PPFIBP1: variants seen among roughly 807,000 people sequenced by gnomAD.
The protein encoded by PPFIBP1 is PPFIB scaffold protein 1, also known as liprin-beta-1.
Under a neutral mutation model 137.8 loss-of-function variants are expected in PPFIBP1, and 112 were observed. The observed-to-expected ratio is 0.81, with a 90% CI of 0.70 to 0.95. The LOEUF (loss-of-function observed/expected upper bound fraction) is 0.95, where lower values mean the gene tolerates loss of function less well. Ranked by LOEUF, PPFIBP1 falls within the 40% of genes least tolerant of loss-of-function variation. The pLI, the probability that PPFIBP1 is intolerant of heterozygous loss-of-function variation, is 0.00. For synonymous variants in PPFIBP1, 378 were observed against 417.3 expected, an observed-to-expected ratio of 0.91 and a Z score of 1.15; for missense variants, 1,083 against 1,196.6, an observed-to-expected ratio of 0.91 and a Z score of 1.40.
chr12:27,672,057 C>G (rs143609801), intron 14 of PPFIBP1, among the ~76,000 whole-genome samples: 1 of 151,318 alleles, frequency 6.6e-6, no homozygotes, highest in Admixed American at 6.6e-5. Flanking sequence ...GGTGACAGAG[C>G]GAGACTCTGT....
chr12:27,603,847 G>A (rs1427977884), intron 2 of PPFIBP1, among the ~76,000 whole-genome samples: 1 of 152,110 alleles, frequency 6.6e-6, no homozygotes, highest in Non-Finnish European at 1.5e-5. Context: ...TTCTTCTTTT[G>A]GCACCATTCT....
intron 1 of PPFIBP1, among the ~76,000 whole-genome samples, chr12:27,570,077 G>T (rs2050011317): frequency 6.6e-6 from 1 of 152,044 alleles, no homozygotes; most frequent in East Asian, 1.9e-4. Flanking sequence ...AGGATTTTTT[G>T]TGTGTTTTGG....
chr12:27,657,461 T>C (rs2113874), intron 9 of PPFIBP1, among the ~76,000 whole-genome samples: 119,537 of 148,468 alleles, frequency 0.81, 48,204 homozygotes, highest in East Asian at 0.87. Context: ...TGTGGCCCTA[T>C]GAGATACCAA....
At chr12:27,594,174 ATT>A (rs35066032) in intron 2 of PPFIBP1, 1,423 of 139,598 alleles carry the variant, frequency 0.01, 1 homozygote, top group Non-Finnish European at 0.014. Flanking sequence ...CCCCTTTTCT[ATT>A]TTTTTTTTTT....
chr12:27,659,875 T>G (rs901612650), intron 10 of PPFIBP1, among the ~76,000 whole-genome samples: 13 of 152,046 alleles, frequency 8.6e-5, no homozygotes, highest in African/African-American at 3.1e-4. Context: ...AGCCCAGGAG[T>G]TCAGAGCTAC....
intron 2 of PPFIBP1, among the ~76,000 whole-genome samples, chr12:27,625,130 T>G (rs1193491031): frequency 2.0e-5 from 3 of 152,132 alleles, no homozygotes; most frequent in South Asian, 4.2e-4. Flanking sequence ...GGTGTGGTAG[T>G]CCCAGCTACT....
chr12:27,682,802 C>T (rs2140396561), intron 24 of PPFIBP1, 99 bp downstream of exon 24: 4 of 1,568,788 alleles, frequency 2.5e-6, no homozygotes, highest in East Asian at 4.5e-5. Context: ...AGTGATTCCA[C>T]CAGAGTTTGA....
intron 2 of PPFIBP1, among the ~76,000 whole-genome samples, chr12:27,600,802 TA>T (rs1307649206): frequency 2.0e-5 from 3 of 152,216 alleles, no homozygotes; most frequent in Non-Finnish European, 2.9e-5. Flanking sequence ...ACTGTACAGT[TA>T]AAAATGATTA....
intron 2 of PPFIBP1, among the ~76,000 whole-genome samples, chr12:27,610,712 G>A (rs533035746): frequency 5.1e-4 from 77 of 152,254 alleles, no homozygotes; most frequent in Non-Finnish European, 7.6e-4. Flanking sequence ...GCTTTGATGT[G>A]TATATCATAT....
chr12:27,541,076 T>C (rs1481131308), intron 1 of PPFIBP1, among the ~76,000 whole-genome samples: 1 of 152,210 alleles, frequency 6.6e-6, no homozygotes, highest in African/African-American at 2.4e-5. Flanking sequence ...AACTTTCCTC[T>C]GTCTATACTA....
At chr12:27,592,659 G>T in intron 2 of PPFIBP1, 12 of 1,567,362 alleles carry the variant, frequency 7.7e-6, no homozygotes, top group Non-Finnish European at 9.7e-6. Flanking sequence ...CCTGTGTGTG[G>T]GAAGGAGTGT....
At chr12:27,643,768 A>G (rs963694648) in intron 4 of PPFIBP1, among the ~76,000 whole-genome samples, 18 of 106,728 alleles carry the variant, frequency 1.7e-4, no homozygotes, top group African/African-American at 7.2e-4. Flanking sequence ...TGGACAGAAC[A>G]GTCTTTACCT....
At chr12:27,634,766 G>C in intron 3 of PPFIBP1, 144 bp from the exon 4 acceptor site, 1 of 720,114 alleles carries the variant, frequency 1.4e-6, no homozygotes, top group Non-Finnish European at 2.3e-6. Context: ...ACTCTGACTT[G>C]GAGAGATTTA....
At chr12:27,668,057 G>C (rs2059968500) in intron 13 of PPFIBP1, among the ~76,000 whole-genome samples, 1 of 152,144 alleles carries the variant, frequency 6.6e-6, no homozygotes, top group Admixed American at 6.5e-5. Context: ...GGACACGTGG[G>C]ATGGGAAATA....
In PPFIBP1 at chr12:27,634,891, G is replaced by A; in HGVS notation, c.65-19G>A. 6.2e-7 allele frequency: 1 copy of A among 1,604,316 alleles called. No individual in the cohort carries two copies. The highest frequency in any genetic ancestry group is 8.5e-7 in the Non-Finnish European group (1 of 1,171,698). On this transcript the variant is annotated intron_variant, in intron 3 of 29. Coordinates refer to ENST00000228425, the MANE Select transcript of PPFIBP1 (RefSeq NM_003622.4). The stretch of plus-strand genomic sequence containing the variant: ...TAACATAAATCCCATTGCTCTCTCT[G>A]TGATTTTGTTTAACTTAGGTTCTAA...
intron 1 of PPFIBP1, among the ~76,000 whole-genome samples, chr12:27,542,657 T>C (rs1441223110): frequency 1.3e-5 from 2 of 152,200 alleles, no homozygotes; most frequent in African/African-American, 4.8e-5. Flanking sequence ...TTCTAGTGAA[T>C]ATCACTATAT....
At chr12:27,613,363 C>T (rs1388901854) in intron 2 of PPFIBP1, among the ~76,000 whole-genome samples, 2 of 152,170 alleles carry the variant, frequency 1.3e-5, no homozygotes, top group Admixed American at 6.5e-5. Flanking sequence ...AGTACTCTCT[C>T]CAGGGTAGAT....
chr12:27,630,921 G>GTGTC (rs2057217998), intron 2 of PPFIBP1, among the ~76,000 whole-genome samples: 1 of 152,028 alleles, frequency 6.6e-6, no homozygotes, highest in Non-Finnish European at 1.5e-5. Context: ...TTTCTCCTAT[G>GTGTC]TGTCCATTGT....
At chr12:27,552,705 A>G (rs1210027622) in intron 1 of PPFIBP1, 1 of 152,222 alleles carries the variant, frequency 6.6e-6, no homozygotes, top group Non-Finnish European at 1.5e-5. Flanking sequence ...ACATTATTCA[A>G]TGATACTTGT....
Sources: allele counts gnomAD v4.1 joint callset (sites outside exome capture counted in the v4.1 genomes callset), GRCh38; gene constraint gnomAD v4.1.1; transcripts MANE v1.5; gene names NCBI Gene and HGNC (gene_info 2026-07-23, HGNC 2026-07-21).